DOT1L: variants seen among roughly 807,000 people sequenced by gnomAD.
DOT1L encodes the protein histone-lysine N-methyltransferase, H3 lysine-79 specific.
A neutral mutation model predicts 153.3 loss-of-function variants in DOT1L; 33 were observed. The observed-to-expected ratio is 0.22, with a 90% confidence interval of 0.16 to 0.29. The LOEUF is 0.29. DOT1L is among the 10% of genes least tolerant of loss of function. The probability of loss-of-function intolerance (pLI) is 1.00; values close to 1 mark genes in which losing one functional copy is unlikely to be tolerated. For synonymous variants in DOT1L, 1,135 were observed against 965.1 expected (o/e 1.18, Z -3.26); for missense variants, 1,847 against 2,119.9 (o/e 0.87, Z 2.53).
chr19:2,185,021 G>T (rs1005844491), intron 2 of DOT1L, among the ~76,000 whole-genome samples: 1 of 152,124 alleles, frequency 6.6e-6, no homozygotes, highest in South Asian at 2.1e-4. Context: ...GTTTCTGTAG[G>T]TTTAGTGTTT....
intron 1 of DOT1L, among the ~76,000 whole-genome samples, chr19:2,173,031 A>G (rs185243229): frequency 6.6e-6 from 1 of 152,086 alleles, no homozygotes; most frequent in Non-Finnish European, 1.5e-5. Context: ...GTGTTTTAGT[A>G]TATTCACAGA....
chr19:2,202,554 G>GC (rs2144792906), intron 8 of DOT1L, 146 bp from the exon 9 acceptor site: 1 of 730,374 alleles, frequency 1.4e-6, no homozygotes, highest in African/African-American at 1.7e-5. Flanking sequence ...CCCACGGCGT[G>GC]CGCTCAGCTG....
rs1207745383 is a variant in DOT1L, at chr19:2,223,285, G to A, written c.3395G>A (p.Ser1132Asn). Residue 1132 changes from serine to asparagine, a missense_variant, in exon 25 of 28, where the codon AGT (serine) becomes AAT (asparagine). Ser to Asn is a conservative substitution (Grantham distance 46, BLOSUM62 1). Coordinates refer to ENST00000398665, the MANE Select transcript of DOT1L (RefSeq NM_032482.3). ...GSPLNLNSMV[S>N]NINQPLEITA... is the part of the protein sequence containing the mutation. ...ATTGTGTCTGTCTGCCCTCAGGTCA[G>A]TAACATCAACCAGCCCCTGGAGATT... 8 of 1,613,390 alleles carry A rather than the reference G, an allele frequency of 5.0e-6. No individual in the cohort carries two copies. In the East Asian group the frequency reaches 1.6e-4, roughly 31 times the overall value.
rs1231546217 is a variant in DOT1L at position 2,189,813 on chromosome 19, G to A, written c.264+18G>A. ...ACCAGCTGGTAGGTGGCTTGCCCCT[G>A]CCCAGAGGGGGTTAGTAGTGCCAGG... is the stretch of plus-strand genomic sequence containing the variant. On this transcript the variant is annotated intron_variant, in intron 4 of 27. Coordinates refer to ENST00000398665, the MANE Select transcript of DOT1L (RefSeq NM_032482.3). 5 of 1,611,038 alleles carry A rather than the reference G, an allele frequency of 3.1e-6. No individual in the cohort carries two copies. The African/African-American group carries it at 4.0e-5, about 13-fold the overall frequency.
In DOT1L at chr19:2,207,588, A is replaced by G; in HGVS notation, c.871A>G (p.Met291Val). Residue 291 changes from methionine (M) to valine (V), a missense_variant, in exon 11 of 28, where the codon ATG (methionine) becomes GTG (valine). Physicochemically the swap from Met to Val is conservative, Grantham distance 21 (BLOSUM62 1). This residue lies in a region of DOT1L where 148 missense variants were observed against 422.3 expected (regional missense o/e 0.35). Transcript: ENST00000398665. The surrounding 1 kb of genome is among the most constrained non-coding windows in gnomAD (Gnocchi z 4.5). Reference sequence around the variant, plus strand: ...GGCTCCTGCAGACATCGGCACCATCATGCGCGTGGTGGAGCTCTCGCCCCT... The same window carrying G: ...GGCTCCTGCAGACATCGGCACCATCGTGCGCGTGGTGGAGCTCTCGCCCCT... ...SRNLSDIGTI[M>V]RVVELSPLKG... 2 of 1,610,934 alleles carry G rather than the reference A, an allele frequency of 1.2e-6. No homozygotes were observed. The highest frequency in any genetic ancestry group is 2.2e-5 in the East Asian group (1 of 44,850).
intron 24 of DOT1L, 106 bp from the exon 25 acceptor site, chr19:2,223,175 A>G: frequency 7.8e-7 from 1 of 1,275,746 alleles, no homozygotes; most frequent in Non-Finnish European, 1.1e-6. Context: ...CAGTTTCCTC[A>G]GGAGACCCTG....
At position 2,232,373 on chromosome 19, in the gene DOT1L, A is replaced by AC. The variant is rs531359756; in HGVS notation, c.*2587dup. ...CGACTGCCCTCGCCATCGTGGTCAG[A>AC]CCCCCCTCCCAACACAACACGCTGC... On this transcript the variant is annotated 3_prime_UTR_variant, in exon 28 of 28. Coordinates refer to ENST00000398665, the MANE Select transcript of DOT1L (RefSeq NM_032482.3). The AC allele has an allele frequency of 4.5e-4, 66 of 145,222 alleles. No homozygotes were observed. In the Middle Eastern group the frequency reaches 0.013, roughly 28 times the overall value. The allele number at this position is 145,222 out of a possible 1,614,324, so 9.0% of individuals were successfully genotyped here. A position where few individuals can be genotyped will look rare whatever the true frequency, so the allele number is the denominator to read the frequency against.
At chr19:2,168,295 C>T (rs2020003781) in intron 1 of DOT1L, among the ~76,000 whole-genome samples, 1 of 152,118 alleles carries the variant, frequency 6.6e-6, no homozygotes, top group Non-Finnish European at 1.5e-5. Flanking sequence ...TAGGGAGACT[C>T]CATCTCTACC....
In DOT1L at chr19:2,204,877, G is replaced by A. The variant is rs1435141031; in HGVS notation, c.788-1852G>A. On this transcript the variant is annotated intron_variant, in intron 9 of 27. Coordinates refer to ENST00000398665, the MANE Select transcript of DOT1L (RefSeq NM_032482.3). The surrounding 1 kb of genome is among the most constrained non-coding windows in gnomAD (Gnocchi z 5.7). ...TCCTGCTCCTCCTGAGGGGAGTGGT[G>A]TGTAGAATGCCAGGCCTGGGCTGGT... is the stretch of plus-strand genomic sequence containing the variant. Among the ~76,000 whole-genome samples, 1 of 152,352 alleles carries A rather than the reference G, an allele frequency of 6.6e-6. No homozygotes were observed. Among genetic ancestry groups the A allele is most frequent in the Non-Finnish European group, 1.5e-5 (1 of 68,032 alleles).
At chr19:2,169,519 G>A (rs1169350544) in intron 1 of DOT1L, among the ~76,000 whole-genome samples, 2 of 151,958 alleles carry the variant, frequency 1.3e-5, no homozygotes, top group Admixed American at 1.3e-4. Context: ...TTTTTGAGAC[G>A]GACTCGCTCT....
intron 1 of DOT1L, among the ~76,000 whole-genome samples, chr19:2,175,551 G>C (rs1281591490): frequency 1.3e-5 from 2 of 152,206 alleles, no homozygotes; most frequent in Non-Finnish European, 2.9e-5. Flanking sequence ...TGTTCTGGCT[G>C]GACGCAGTGG....
At position 2,222,594 on chromosome 19, in the gene DOT1L, G is replaced by C. The variant is rs1487250636; in HGVS notation, c.3390+35G>C. The stretch of plus-strand genomic sequence containing the variant: ...GGGACCGGCAGGGCTGGGGAGCGCG[G>C]CCTGTGAAAGAAAGACCAGAGGGAG... On this transcript the variant is annotated intron_variant, in intron 24 of 27. Coordinates refer to ENST00000398665, the MANE Select transcript of DOT1L (RefSeq NM_032482.3). This position sits in a 1 kb window ranked among gnomAD's most constrained non-coding sequence, Gnocchi z 6.5. 1 of 1,499,924 alleles carries C rather than the reference G, an allele frequency of 6.7e-7. No individual in the cohort carries two copies. Among genetic ancestry groups the C allele is most frequent in the Non-Finnish European group, 8.9e-7 (1 of 1,129,318 alleles). 92.9% of individuals were successfully genotyped at this position (1,499,924 alleles called of 1,614,324 possible).
chr19:2,211,057 C>G, intron 14 of DOT1L, 42 bp from the exon 15 acceptor site: 1 of 1,586,518 alleles, frequency 6.3e-7, no homozygotes, highest in Non-Finnish European at 8.6e-7. Flanking sequence ...CCACCGCTCT[C>G]CCGACCCGCC....
rs1230900503 is a variant in DOT1L, at chr19:2,193,261, C to T, written c.494-428C>T. 6.6e-6 allele frequency among the ~76,000 whole-genome samples: 1 copy of T among 152,316 alleles called. No individual in the cohort carries two copies. Among genetic ancestry groups the T allele is most frequent in the East Asian group, 1.9e-4 (1 of 5,192 alleles). ...GCCTCAGTCAGATCCTGCTCATGAGCCTTCCTGGGGTGCCATAAGATTTTA... is the reference window on the plus strand; with the variant it reads ...GCCTCAGTCAGATCCTGCTCATGAGTCTTCCTGGGGTGCCATAAGATTTTA... On this transcript the variant is annotated intron_variant, in intron 5 of 27. Coordinates refer to ENST00000398665, the MANE Select transcript of DOT1L (RefSeq NM_032482.3). This position sits in a 1 kb window ranked among gnomAD's most constrained non-coding sequence, Gnocchi z 5.9.
rs2023527487 is a variant in DOT1L at position 2,207,073 on chromosome 19, A to T, written c.856+276A>T. Among the ~76,000 whole-genome samples the T allele has an allele frequency of 1.3e-5, 2 of 152,142 alleles. No homozygotes were observed. On this transcript the variant is annotated intron_variant, in intron 10 of 27. Coordinates refer to ENST00000398665, the MANE Select transcript of DOT1L (RefSeq NM_032482.3). This position sits in a 1 kb window ranked among gnomAD's most constrained non-coding sequence, Gnocchi z 4.5. ...ACTCCTCGGGGAGACCCCGGCTTCGAGGGGAGGCGTGAAGGATTTACAGGA... is the reference window on the plus strand; with the variant it reads ...ACTCCTCGGGGAGACCCCGGCTTCGTGGGGAGGCGTGAAGGATTTACAGGA...
Position 2,220,876 on chromosome 19 carries a change from G to A in DOT1L, c.2806+654G>A. 1 of 278,366 alleles carries A rather than the reference G, an allele frequency of 3.6e-6. No individual in the cohort carries two copies. Among genetic ancestry groups the A allele is most frequent in the Non-Finnish European group, 7.1e-6 (1 of 139,896 alleles). The allele number at this position is 278,366 out of a possible 1,614,324, so 17.2% of individuals were successfully genotyped here. ...TATGATGCGGCAGCTACTTTTTTAG[G>A]AGTAAAAAGTAAAATGTGGCCGGGC... On this transcript the variant is annotated intron_variant, in intron 23 of 27. Coordinates refer to ENST00000398665, the MANE Select transcript of DOT1L (RefSeq NM_032482.3). This position sits in a 1 kb window ranked among gnomAD's most constrained non-coding sequence, Gnocchi z 4.5.
At chr19:2,194,661 A>ATGTTGGAACATGGC in intron 7 of DOT1L, 84 bp downstream of exon 7, 1 of 1,139,138 alleles carries the variant, frequency 8.8e-7, no homozygotes, top group Non-Finnish European at 1.3e-6. Context: ...TTTCTTGCCG[A>ATGTTGGAACATGGC]TGTTGGCACA....
intron 27 of DOT1L, 24 bp downstream of exon 27, chr19:2,227,151 G>C (rs1568373802): frequency 2.6e-6 from 4 of 1,553,416 alleles, no homozygotes; most frequent in Non-Finnish European, 2.6e-6. Flanking sequence ...CCGTCCGTCC[G>C]CCCCCCGCCC....
intron 1 of DOT1L, among the ~76,000 whole-genome samples, chr19:2,166,354 C>A (rs1262830744): frequency 6.6e-6 from 1 of 152,078 alleles, no homozygotes; most frequent in African/African-American, 2.4e-5. Context: ...CCTCGGCCTC[C>A]CAAAGTGCTG....
Sources: allele counts gnomAD v4.1 joint callset (sites outside exome capture counted in the v4.1 genomes callset), GRCh38; gene constraint gnomAD v4.1.1; regional missense constraint gnomAD v4.1.1; non-coding constraint Gnocchi (gnomAD v3.1); transcripts MANE v1.5; gene names NCBI Gene and HGNC (gene_info 2026-07-23, HGNC 2026-07-21).